MARCHF8: variants seen among roughly 807,000 people sequenced by gnomAD.
MARCHF8 encodes membrane associated ring-CH-type finger 8.
Under a neutral mutation model 51.6 loss-of-function variants are expected in MARCHF8, and 40 were observed. The observed-to-expected ratio is 0.77, with a 90% confidence interval of 0.60 to 1.01. The LOEUF (loss-of-function observed/expected upper bound fraction) is 1.01, where lower values mean the gene tolerates loss of function less well. MARCHF8 is among the 50% of genes least tolerant of loss of function. The pLI is 0.00. For synonymous variants in MARCHF8, 263 were observed against 280.3 expected (o/e 0.94, Z 0.62); for missense variants, 685 against 708.6 (o/e 0.97, Z 0.38).
At chr10:45,589,206 C>T (rs1158963936) in intron 1 of MARCHF8, among the ~76,000 whole-genome samples, 1 of 152,028 alleles carries the variant, frequency 6.6e-6, no homozygotes, top group Non-Finnish European at 1.5e-5. Flanking sequence ...GAAATCTAGG[C>T]ACAGCTTAGC....
At chr10:45,464,106 C>G in intron 4 of MARCHF8, 110 bp from the exon 5 acceptor site, 2 of 1,522,862 alleles carry the variant, frequency 1.3e-6, no homozygotes, top group Non-Finnish European at 1.8e-6. Flanking sequence ...GTGAGCAAAC[C>G]ACACATAAAA....
chr10:45,594,077 A>C (rs975969049), intron 1 of MARCHF8, among the ~76,000 whole-genome samples: 4 of 152,228 alleles, frequency 2.6e-5, no homozygotes, highest in Non-Finnish European at 4.4e-5. Flanking sequence ...TTGTTGCATT[A>C]AAGAAACATG....
At chr10:45,559,987 G>A (rs1006158123) in intron 1 of MARCHF8, among the ~76,000 whole-genome samples, 5 of 152,146 alleles carry the variant, frequency 3.3e-5, no homozygotes, top group East Asian at 1.9e-4. Flanking sequence ...CTTCCTCCCC[G>A]CAACACACAG....
intron 2 of MARCHF8, among the ~76,000 whole-genome samples, chr10:45,508,322 TTC>T (rs1191452163): frequency 1.3e-5 from 2 of 149,920 alleles, no homozygotes; most frequent in Admixed American, 1.3e-4. Flanking sequence ...CAAAAATTTA[TTC>T]TTTCACAGTA....
chr10:45,479,571 C>T (rs926126898), intron 3 of MARCHF8, among the ~76,000 whole-genome samples: 1 of 152,132 alleles, frequency 6.6e-6, no homozygotes, highest in African/African-American at 2.4e-5. Flanking sequence ...TGCAGTTTCC[C>T]CCATACTGTT....
At chr10:45,566,926 T>G (rs1052505715) in intron 1 of MARCHF8, among the ~76,000 whole-genome samples, 12 of 152,194 alleles carry the variant, frequency 7.9e-5, no homozygotes, top group African/African-American at 2.9e-4. Flanking sequence ...TTTCCTTTTC[T>G]CCACATCCTC....
At chr10:45,520,029 A>C (rs1247184922) in intron 2 of MARCHF8, among the ~76,000 whole-genome samples, 1 of 152,176 alleles carries the variant, frequency 6.6e-6, no homozygotes, top group Non-Finnish European at 1.5e-5. Context: ...AGAACTACGC[A>C]CTCAGCAGCA....
Position 45,529,326 on chromosome 10 carries a change from C to A in MARCHF8, c.102+3784G>T, listed in dbSNP as rs186630502. Among the ~76,000 whole-genome samples the A allele has an allele frequency of 1.1e-3, 171 of 152,178 alleles. 1 individual carries two copies. Among genetic ancestry groups the A allele is most frequent in the African/African-American group, 3.7e-3 (154 of 41,508 alleles). On this transcript the variant is annotated intron_variant, in intron 2 of 7. Transcript: ENST00000453424. ...AAATCAACTTAAGATGGATTAAAGA[C>A]CTGAAAGTATAAAGACCTGAAAGAT...
intron 1 of MARCHF8, among the ~76,000 whole-genome samples, chr10:45,551,344 A>C (rs2133338936): frequency 6.6e-6 from 1 of 152,298 alleles, no homozygotes; most frequent in South Asian, 2.1e-4. Flanking sequence ...GATACACAGA[A>C]AGGATACCAA....
rs1842631430 is a variant in MARCHF8, at chr10:45,457,211, T to TTA, written c.*1027_*1028insTA. ...CCAACACCAACTGGAGAGATTTAAC[T>TTA]ATAAAGGAATATTTTTTAAATATTC... On this transcript the variant is annotated 3_prime_UTR_variant, in exon 8 of 8. Transcript: ENST00000453424. 6.6e-6 allele frequency: 1 copy of TTA among 151,856 alleles called. No individual in the cohort carries two copies. Among genetic ancestry groups the TTA allele is most frequent in the Admixed American group, 6.6e-5 (1 of 15,256 alleles). 9.4% of individuals were successfully genotyped at this position (151,856 alleles called of 1,614,324 possible).
At chr10:45,527,625 A>G (rs2043814205) in intron 2 of MARCHF8, among the ~76,000 whole-genome samples, 1 of 152,070 alleles carries the variant, frequency 6.6e-6, no homozygotes, top group South Asian at 2.1e-4. Context: ...ATAAAAAAAA[A>G]TCTCCCAACA....
intron 3 of MARCHF8, among the ~76,000 whole-genome samples, chr10:45,474,697 T>G (rs2042754569): frequency 6.6e-6 from 1 of 152,182 alleles, no homozygotes; most frequent in African/African-American, 2.4e-5. Context: ...AATCAGACTT[T>G]GAATAGATCA....
At chr10:45,485,278 G>C (rs1177099133) in intron 3 of MARCHF8, among the ~76,000 whole-genome samples, 1 of 152,194 alleles carries the variant, frequency 6.6e-6, no homozygotes, top group Admixed American at 6.5e-5. Flanking sequence ...GCAGTGATAA[G>C]TGCGATCCTG....
chr10:45,504,108 A>C (rs1277227278), intron 2 of MARCHF8, among the ~76,000 whole-genome samples: 1 of 152,148 alleles, frequency 6.6e-6, no homozygotes, highest in Non-Finnish European at 1.5e-5. Context: ...GCACTTTAAA[A>C]GGGTGATTTA....
Position 45,533,254 on chromosome 10 carries a change from C to G in MARCHF8, c.-43G>C. 6.4e-7 allele frequency: 1 copy of G among 1,565,256 alleles called. No homozygotes were observed. The highest frequency in any genetic ancestry group is 8.6e-7 in the Non-Finnish European group (1 of 1,161,382). On this transcript the variant is annotated 5_prime_UTR_variant, in exon 2 of 8. Transcript: ENST00000453424. ...TCGTCTTCTTCACAGAAGAGAGTCTCCACTGGTAGAGTCATTTTGGGCCAT... is the reference window on the plus strand; with the variant it reads ...TCGTCTTCTTCACAGAAGAGAGTCTGCACTGGTAGAGTCATTTTGGGCCAT...
Position 45,560,702 on chromosome 10 carries a change from G to A in MARCHF8, c.-78-27413C>T, listed in dbSNP as rs77278547. ...CTCCTGTCGTTCAGCCAGGGTCTGC[G>A]GGTCGGACCCCACATCTGTCCTCGT... On this transcript the variant is annotated intron_variant, in intron 1 of 6. Transcript: ENST00000319836. Among the ~76,000 whole-genome samples, 856 of 152,240 alleles carry A rather than the reference G, an allele frequency of 5.6e-3. 6 individuals are homozygous for A. The highest frequency in any genetic ancestry group is 0.019 in the African/African-American group (806 of 41,524).
chr10:45,578,994 A>G (rs913726456), intron 1 of MARCHF8, among the ~76,000 whole-genome samples: 1 of 152,230 alleles, frequency 6.6e-6, no homozygotes. Context: ...CATGGAAAAC[A>G]AAAGGGCAAT....
intron 2 of MARCHF8, among the ~76,000 whole-genome samples, chr10:45,489,949 C>T (rs1190569397): frequency 6.6e-6 from 1 of 152,210 alleles, no homozygotes; most frequent in Non-Finnish European, 1.5e-5. Context: ...CTCAGTTTCT[C>T]CTCCTGGAGC....
At chr10:45,551,408 A>G (rs769803930) in intron 1 of MARCHF8, among the ~76,000 whole-genome samples, 29 of 147,150 alleles carry the variant, frequency 2.0e-4, no homozygotes, top group Non-Finnish European at 2.6e-4. Flanking sequence ...TAGAGATGCA[A>G]TTTTTTTTTT....
Sources: allele counts gnomAD v4.1 joint callset (sites outside exome capture counted in the v4.1 genomes callset), GRCh38; gene constraint gnomAD v4.1.1; transcripts MANE v1.5; gene names NCBI Gene and HGNC (gene_info 2026-07-23, HGNC 2026-07-21).